The following TTYH1 variants were observed in gnomAD, a reference collection of about 807,000 sequenced individuals.
The protein encoded by TTYH1 is protein tweety homolog 1.
TTYH1 carries 33 observed loss-of-function variants against 61.2 expected under a neutral mutation model. The observed-to-expected ratio is 0.54, with a 90% confidence interval of 0.41 to 0.72. The LOEUF (loss-of-function observed/expected upper bound fraction) is 0.72, where lower values mean the gene tolerates loss of function less well. Among genes scored for constraint, TTYH1 ranks in the 30% least tolerant of loss-of-function variants. The pLI, the probability that TTYH1 is intolerant of heterozygous loss-of-function variation, is 0.00. For missense variants in TTYH1, 538 were observed against 575.8 expected, an observed-to-expected ratio of 0.93 and a Z score of 0.67; for synonymous variants, 308 against 266.4, an observed-to-expected ratio of 1.16 and a Z score of -1.52.
intron 1 of TTYH1, chr19:54,418,550 TACAC>T (rs371665366): frequency 2.0e-5 from 3 of 151,052 alleles, no homozygotes; most frequent in Non-Finnish European, 2.9e-5. Context: ...GAGTCTTGCA[TACAC>T]ACACACACAC....
Position 54,430,910 on chromosome 19 carries a change from G to T in TTYH1, c.1032+5G>T. ...CCTCAGTTCCCTTCAGCGCAGGTCG[G>T]TGGGTGGGCGCTCCCCAGACACGCG... On this transcript the variant is annotated splice_donor_5th_base_variant and intron_variant, in intron 9 of 13. Transcript: ENST00000376530. 6.2e-7 allele frequency: 1 copy of T among 1,611,776 alleles called. No homozygotes were observed. The highest frequency in any genetic ancestry group is 8.5e-7 in the Non-Finnish European group (1 of 1,179,836).
chr19:54,430,630 G>A (rs966369558), intron 8 of TTYH1, 25 bp downstream of exon 8: 6 of 1,612,708 alleles, frequency 3.7e-6, no homozygotes, highest in Non-Finnish European at 3.4e-6. Context: ...CAGGGGAAAC[G>A]GGTGTTGAGG....
chr19:54,422,337 CT>C lies in TTYH1; in HGVS notation c.566del (p.Leu189ArgfsTer9). 1 of 1,570,724 alleles carries C rather than the reference CT, an allele frequency of 6.4e-7. No homozygotes were observed. Among genetic ancestry groups the C allele is most frequent in the Non-Finnish European group, 8.6e-7 (1 of 1,159,236 alleles). ...GGCTGCGGCCCAGCAGCTGCAGGGGCTGGCCTTCTGGCAGGGAGTGCCCCTG... is the reference window on the plus strand; with the variant it reads ...GGCTGCGGCCCAGCAGCTGCAGGGGCGGCCTTCTGGCAGGGAGTGCCCCTG... ...AEAAAQQLQG[L>X]AFWQGVPLSP... is the part of the protein sequence containing the mutation. On this transcript the variant is annotated frameshift_variant, in exon 4 of 14. Transcript: ENST00000376530. LOFTEE classifies it high-confidence loss of function.
At chr19:54,428,088 T>G (rs944141594) in intron 5 of TTYH1, among the ~76,000 whole-genome samples, 1 of 138,086 alleles carries the variant, frequency 7.2e-6, no homozygotes, top group African/African-American at 2.7e-5. Context: ...AGTTTTTTTT[T>G]TTTTTTTTTT....
rs1170251420 is a variant in TTYH1 at position 54,427,897 on chromosome 19, C to T, written c.734+1129C>T. On this transcript the variant is annotated intron_variant, in intron 5 of 13. Transcript: ENST00000376530. ...ATGCCCCCTGTGAGGAAGGTGCTTC[C>T]TTCTGCCTGTTTTTTATTTCTGTTT... Among the ~76,000 whole-genome samples the T allele has an allele frequency of 2.6e-5, 4 of 152,046 alleles. No individual in the cohort carries two copies. The East Asian group carries it at 7.7e-4, about 29-fold the overall frequency.
intron 4 of TTYH1, 164 bp from the exon 5 acceptor site, chr19:54,426,509 C>G: frequency 1.5e-6 from 1 of 655,848 alleles, no homozygotes; most frequent in Non-Finnish European, 2.8e-6. Flanking sequence ...CACAGAGGAC[C>G]TGGGCTGTGG....
At position 54,434,592 on chromosome 19, in the gene TTYH1, G is replaced by C. The variant is rs2083502105; in HGVS notation, c.1126-950G>C. The C allele has an allele frequency of 6.6e-6, 1 of 152,424 alleles. No individual in the cohort carries two copies. The highest frequency in any genetic ancestry group is 1.5e-5 in the Non-Finnish European group (1 of 68,226). 9.4% of individuals were successfully genotyped at this position (152,424 alleles called of 1,614,324 possible). ...TTTACCGAAGTTTCCTGGTACTGGG[G>C]GCAGCGCCTGGGGCAGAGCAGGCTC... On this transcript the variant is annotated intron_variant, in intron 10 of 13. Coordinates refer to ENST00000376530, the MANE Select transcript of TTYH1 (RefSeq NM_020659.4). The surrounding 1 kb of genome is among the most constrained non-coding windows in gnomAD (Gnocchi z 4.3).
At chr19:54,431,623 G>A (rs570935592) in intron 10 of TTYH1, 1 of 206,238 alleles carries the variant, frequency 4.8e-6, no homozygotes, top group East Asian at 1.5e-4. Flanking sequence ...TAACTTCTCT[G>A]TACCTCAGTT....
Position 54,421,769 on chromosome 19 carries a change from C to T in TTYH1, c.417+381C>T, listed in dbSNP as rs1047783728. Among the ~76,000 whole-genome samples the T allele has an allele frequency of 6.6e-6, 1 of 152,146 alleles. No homozygotes were observed. The highest frequency in any genetic ancestry group is 2.4e-5 in the African/African-American group (1 of 41,438). ...CCCCGACTTGAGGCTTCAGCTCCGA[C>T]ATCAGCTCCAGGATTCTGGGCCCTG... On this transcript the variant is annotated intron_variant, in intron 3 of 13. Transcript: ENST00000376530. The surrounding 1 kb of genome is among the most constrained non-coding windows in gnomAD (Gnocchi z 4.8).
rs2122878082 is a variant in TTYH1, at chr19:54,421,795, G to T, written c.418-395G>T. On this transcript the variant is annotated intron_variant, in intron 3 of 13. Transcript: ENST00000376530. This position sits in a 1 kb window ranked among gnomAD's most constrained non-coding sequence, Gnocchi z 4.8. Reference sequence around the variant, plus strand: ...ATCAGCTCCAGGATTCTGGGCCCTGGGGCTGAGGCCTGGCCCCACTTCATG... The same window carrying T: ...ATCAGCTCCAGGATTCTGGGCCCTGTGGCTGAGGCCTGGCCCCACTTCATG... Among the ~76,000 whole-genome samples, 1 of 152,186 alleles carries T rather than the reference G, an allele frequency of 6.6e-6. No individual in the cohort carries two copies. Among genetic ancestry groups the T allele is most frequent in the East Asian group, 1.9e-4 (1 of 5,160 alleles).
chr19:54,415,951 G>T lies in TTYH1; in HGVS notation c.126+273G>T. On this transcript the variant is annotated intron_variant, in intron 1 of 13. Coordinates refer to ENST00000376530, the MANE Select transcript of TTYH1 (RefSeq NM_020659.4). This position sits in a 1 kb window ranked among gnomAD's most constrained non-coding sequence, Gnocchi z 5.2. ...AGTTCATGGAGAGGAGGGGAGGGGG[G>T]CCCGGATTCCCGGGTGTCTGATACC... 5 of 1,066,768 alleles carry T rather than the reference G, an allele frequency of 4.7e-6. No homozygotes were observed. Among genetic ancestry groups the T allele is most frequent in the Non-Finnish European group, 4.0e-6 (3 of 751,574 alleles). 66.1% of individuals were successfully genotyped at this position (1,066,768 alleles called of 1,614,324 possible). A position where few individuals can be genotyped will look rare whatever the true frequency, so the allele number is the denominator to read the frequency against.
At chr19:54,426,581 G>T in intron 4 of TTYH1, 92 bp from the exon 5 acceptor site, 1 of 969,686 alleles carries the variant, frequency 1.0e-6, no homozygotes, top group Non-Finnish European at 1.6e-6. Context: ...GGCTGAGCTG[G>T]GGGGCAGGGT....
rs1431967217 is a variant in TTYH1 at position 54,436,368 on chromosome 19, C to T, written c.*78C>T. On this transcript the variant is annotated 3_prime_UTR_variant, in exon 14 of 14. Transcript: ENST00000376530. The surrounding 1 kb of genome is among the most constrained non-coding windows in gnomAD (Gnocchi z 4.3). ...GGCTGCCGGAGGAGACCCCACTAAC[C>T]CAGCCTGCCTGGGCTCTGACCACTA... is the stretch of plus-strand genomic sequence containing the variant. 6.2e-7 allele frequency: 1 copy of T among 1,614,126 alleles called. No individual in the cohort carries two copies. The highest frequency in any genetic ancestry group is 8.5e-7 in the Non-Finnish European group (1 of 1,180,018).
chr19:54,429,834 A>C lies in TTYH1; in HGVS notation c.808-48A>C. 6.4e-7 allele frequency: 1 copy of C among 1,552,106 alleles called. No homozygotes were observed. The highest frequency in any genetic ancestry group is 1.1e-5 in the South Asian group (1 of 88,864). On this transcript the variant is annotated intron_variant, in intron 6 of 13. Coordinates refer to ENST00000376530, the MANE Select transcript of TTYH1 (RefSeq NM_020659.4). The surrounding 1 kb of genome is among the most constrained non-coding windows in gnomAD (Gnocchi z 5.1). The stretch of plus-strand genomic sequence containing the variant: ...GGCACTGGGTGCTGTGGGAGTGTGG[A>C]ATCGGGGCAGTTTTGGGTTTGAGCC...
Position 54,419,231 on chromosome 19 carries a change from C to A in TTYH1, c.230C>A (p.Pro77His), listed in dbSNP as rs777256698. Reference protein sequence around the residue: ...IRFCCCRPPEPPGSKIPSPGG... With the variant: ...IRFCCCRPPEHPGSKIPSPGG... ...TTCTGCTGCTGCCGGCCCCCCGAGC[C>A]CCCCGGGTCCAAGATCCCCTCGCCC... The change falls in exon 2 of 14, where the codon CCC (proline) becomes CAC (histidine). Residue 77 changes from proline (P) to histidine (H), a missense_variant. Pro to His is a moderately conservative substitution (Grantham distance 77). Around this residue, in one of 3 missense-constraint regions of TTYH1, gnomAD observed 157 missense variants for 157.0 expected, o/e 1.00. Coordinates refer to ENST00000376530, the MANE Select transcript of TTYH1 (RefSeq NM_020659.4). The surrounding 1 kb of genome is among the most constrained non-coding windows in gnomAD (Gnocchi z 6.1). 6 of 1,609,770 alleles carry A rather than the reference C, an allele frequency of 3.7e-6. No individual in the cohort carries two copies. In the East Asian group the frequency reaches 1.3e-4, roughly 36 times the overall value.
intron 10 of TTYH1, chr19:54,431,761 C>T (rs563293129): frequency 1.3e-5 from 2 of 155,592 alleles, no homozygotes; most frequent in South Asian, 3.9e-4. Flanking sequence ...TATCTGGTGT[C>T]CTGCAGGCTC....
rs143753872 is a variant in TTYH1 at position 54,430,560 on chromosome 19, C to A, written c.894C>A (p.Ser298Arg). ...CTCCTCCCACTTCAGACATCCTGAG[C>A]TATTATCTCCTCTGCAACCGGGCCG... ...EETGLSSDIL[S>R]YYLLCNRAVS... Residue 298 changes from serine to arginine, a missense_variant, in exon 8 of 14, where the codon AGC (serine) becomes AGA (arginine). By Grantham distance (110) the Ser-to-Arg change is moderately radical. Around this residue, in one of 3 missense-constraint regions of TTYH1, gnomAD observed 378 missense variants for 401.2 expected, o/e 0.94. Coordinates refer to ENST00000376530, the MANE Select transcript of TTYH1 (RefSeq NM_020659.4). 912 of 1,613,838 alleles carry A rather than the reference C, an allele frequency of 5.7e-4. 6 individuals carry two copies. In the African/African-American group the frequency reaches 0.011, roughly 19 times the overall value.
rs1227905261 is a variant in TTYH1, at chr19:54,416,935, G to C, written c.126+1257G>C. On this transcript the variant is annotated intron_variant, in intron 1 of 13. Transcript: ENST00000376530. This position sits in a 1 kb window ranked among gnomAD's most constrained non-coding sequence, Gnocchi z 7.0. Reference sequence around the variant, plus strand: ...CAGTCACCGCCAGAGGCACGGGTTTGGGGGAGCCTCACTCCGCCCCCACGG... The same window carrying C: ...CAGTCACCGCCAGAGGCACGGGTTTCGGGGAGCCTCACTCCGCCCCCACGG... The C allele has an allele frequency of 7.9e-7, 1 of 1,268,864 alleles. No individual in the cohort carries two copies. The highest frequency in any genetic ancestry group is 1.0e-6 in the Non-Finnish European group (1 of 978,054). 78.6% of individuals were successfully genotyped at this position (1,268,864 alleles called of 1,614,324 possible).
chr19:54,422,203 T>G lies in TTYH1; in HGVS notation c.431T>G (p.Val144Gly). 6.4e-7 allele frequency: 1 copy of G among 1,562,524 alleles called. No homozygotes were observed. Among genetic ancestry groups the G allele is most frequent in the Non-Finnish European group, 8.7e-7 (1 of 1,153,888 alleles). ...TCCTATCCCCAGGTGTTGGAGACGG[T>G]GGAGAGGCTGGGCGAGGCGGTGAGG... The part of the protein sequence containing the change: ...STIDHLVLET[V>G]ERLGEAVRTE... The change falls in exon 4 of 14, where the codon GTG becomes GGG. Residue 144 changes from valine to glycine, a missense_variant. Physicochemically the swap from Val to Gly is moderately radical, Grantham distance 109. This residue lies in a region of TTYH1 where 378 missense variants were observed against 401.2 expected (regional missense o/e 0.94). Transcript: ENST00000376530.
Sources: gnomAD v4.1 joint callset for allele counts (sites outside exome capture counted in the v4.1 genomes callset) on GRCh38, gnomAD v4.1.1 for gene constraint, gnomAD v4.1.1 regional missense constraint, Gnocchi (gnomAD v3.1) non-coding constraint, MANE v1.5 for transcripts, NCBI Gene and HGNC (gene_info 2026-07-23, HGNC 2026-07-21) for gene names.